Variants in DGLUCY observed in about 807,000 individuals in gnomAD.
The protein encoded by DGLUCY is D-glutamate cyclase, mitochondrial.
Under a neutral mutation model 58.5 loss-of-function variants are expected in DGLUCY, and 58 were observed. The ratio of observed to expected loss-of-function variants is 0.99; its 90% confidence interval spans 0.80 to 1.23. The LOEUF is 1.23. Among genes scored for constraint, DGLUCY ranks in the 50% most tolerant of loss-of-function variants. The pLI, the probability that DGLUCY is intolerant of heterozygous loss-of-function variation, is 0.00. For synonymous variants in DGLUCY, 325 were observed against 314.1 expected (o/e 1.03, Z -0.37); for missense variants, 779 against 784.7 (o/e 0.99, Z 0.09).
At chr14:91,157,231 G>GAATGGATGGGTGGA (rs1566971877) in intron 1 of DGLUCY, among the ~76,000 whole-genome samples, 2 of 94,856 alleles carry the variant, frequency 2.1e-5, no homozygotes, top group African/African-American at 1.3e-4. Flanking sequence ...GGATGGATGG[G>GAATGGATGGGTGGA]TGGATGGATG....
At chr14:91,199,606 G>A (rs935180524) in intron 10 of DGLUCY, 151 bp from the exon 11 acceptor site, 2 of 856,486 alleles carry the variant, frequency 2.3e-6, no homozygotes, top group Non-Finnish European at 3.6e-6. Flanking sequence ...ACAGGTCCTG[G>A]CCCAGAGTAG....
At chr14:91,130,464 T>C (rs1365781374) in intron 1 of DGLUCY, among the ~76,000 whole-genome samples, 2 of 151,712 alleles carry the variant, frequency 1.3e-5, no homozygotes, top group Non-Finnish European at 2.9e-5. Flanking sequence ...CAAGCCGCCA[T>C]GCCCAGCTAA....
At chr14:91,173,552 G>A in intron 6 of DGLUCY, 113 bp downstream of exon 6, 1 of 1,364,236 alleles carries the variant, frequency 7.3e-7, no homozygotes, top group Non-Finnish European at 9.7e-7. Context: ...CCAGGTCAGT[G>A]TCTCTCGCTC....
chr14:91,124,296 T>C (rs2045557273), intron 1 of DGLUCY, among the ~76,000 whole-genome samples: 1 of 152,188 alleles, frequency 6.6e-6, no homozygotes, highest in Non-Finnish European at 1.5e-5. Flanking sequence ...ACTAATTTGC[T>C]GTCAAGGAGC....
rs989112605 is a variant in DGLUCY at position 91,073,685 on chromosome 14, G to A, written c.-82+12981G>A. Among the ~76,000 whole-genome samples, 6 of 152,158 alleles carry A rather than the reference G, an allele frequency of 3.9e-5. No individual in the cohort carries two copies. In the South Asian group the frequency reaches 1.2e-3, roughly 32 times the overall value. On this transcript the variant is annotated intron_variant, in intron 1 of 4. Transcript: ENST00000521334. ...GCTTTGAAAATGGAGGGGACCAAGT[G>A]GAAAGGCCCTGAGGAGCAGCCTCTA...
chr14:91,070,516 CT>C (rs1353157162), intron 1 of DGLUCY, among the ~76,000 whole-genome samples: 6 of 152,018 alleles, frequency 3.9e-5, no homozygotes, highest in African/African-American at 1.4e-4. Flanking sequence ...AAAGTTATCT[CT>C]TTTTAAAATA....
intron 1 of DGLUCY, among the ~76,000 whole-genome samples, chr14:91,156,777 C>T (rs2047643928): frequency 1.3e-5 from 2 of 152,198 alleles, no homozygotes; most frequent in Admixed American, 6.5e-5. Context: ...CATCTCACCT[C>T]ACTTCTAGAG....
chr14:91,205,238 C>CT (rs1318377027), intron 12 of DGLUCY, among the ~76,000 whole-genome samples: 1 of 152,204 alleles, frequency 6.6e-6, no homozygotes, highest in Non-Finnish European at 1.5e-5. Flanking sequence ...GTGATCTGTG[C>CT]TTTTATCTGC....
At chr14:91,166,480 C>G (rs2048289805) in intron 3 of DGLUCY, among the ~76,000 whole-genome samples, 1 of 152,066 alleles carries the variant, frequency 6.6e-6, no homozygotes, top group African/African-American at 2.4e-5. Flanking sequence ...ACCTGGCCAC[C>G]ATAGTGAAAC....
At chr14:91,213,001 TAAAA>T (rs59133029) in intron 12 of DGLUCY, among the ~76,000 whole-genome samples, 2 of 135,924 alleles carry the variant, frequency 1.5e-5, no homozygotes, top group South Asian at 2.3e-4. Flanking sequence ...ACTCCGTCTC[TAAAA>T]AAAAAAAAAA....
intron 3 of DGLUCY, among the ~76,000 whole-genome samples, chr14:91,161,089 G>A (rs138691234): frequency 0.028 from 4,298 of 152,256 alleles, 76 homozygotes; most frequent in South Asian, 0.036. Flanking sequence ...TTGTTGAGAC[G>A]TAGTCTCGCT....
At chr14:91,112,570 T>G (rs978600925), upstream of DGLUCY, among the ~76,000 whole-genome samples, 1 of 152,110 alleles carries the variant, frequency 6.6e-6, no homozygotes, top group African/African-American at 2.4e-5. Context: ...AAAAGAGATC[T>G]TTCACTTTTC....
chr14:91,103,008 T>C (rs1300580294), upstream of DGLUCY, among the ~76,000 whole-genome samples: 2 of 152,000 alleles, frequency 1.3e-5, no homozygotes, highest in Non-Finnish European at 2.9e-5. Flanking sequence ...ATGATCCGCC[T>C]GTCTCAGCCT....
rs999630531 is a variant in DGLUCY, at chr14:91,215,854, A to G, written c.1716+298A>G. ...CATCTGTAAAATGGGGGTGGTCAGC[A>G]TTGTTGTTGGAGGAACCGAATGCCT... On this transcript the variant is annotated intron_variant, in intron 13 of 13. Transcript: ENST00000256324. 6.2e-5 allele frequency: 58 copies of G among 942,540 alleles called. No individual in the cohort carries two copies. In the Middle Eastern group the frequency reaches 1.3e-3, roughly 21 times the overall value. 58.4% of individuals were successfully genotyped at this position (942,540 alleles called of 1,614,324 possible).
At chr14:91,100,572 G>C (rs904536991) in intron 1 of DGLUCY, among the ~76,000 whole-genome samples, 1 of 152,152 alleles carries the variant, frequency 6.6e-6, no homozygotes, top group African/African-American at 2.4e-5. Context: ...GACATCACTT[G>C]CTCAAGCTTG....
upstream of DGLUCY, among the ~76,000 whole-genome samples, chr14:91,103,030 G>A (rs1189979441): frequency 6.6e-6 from 1 of 151,976 alleles, no homozygotes; most frequent in Non-Finnish European, 1.5e-5. Flanking sequence ...CCAATGTGCT[G>A]GGATTACAGG....
intron 1 of DGLUCY, among the ~76,000 whole-genome samples, chr14:91,070,632 AG>A (rs1466761476): frequency 3.3e-5 from 5 of 152,252 alleles, no homozygotes. Flanking sequence ...AAGACAGGAA[AG>A]CCACTTTGGA....
At chr14:91,069,321 G>A (rs1198634715) in intron 1 of DGLUCY, among the ~76,000 whole-genome samples, 1 of 152,176 alleles carries the variant, frequency 6.6e-6, no homozygotes, top group African/African-American at 2.4e-5. Flanking sequence ...TGTCACCCAG[G>A]CTGGAGTGCA....
At chr14:91,160,180 G>A (rs1033140244) in intron 2 of DGLUCY, 86 bp from the exon 3 acceptor site, 1 of 830,482 alleles carries the variant, frequency 1.2e-6, no homozygotes, top group African/African-American at 1.7e-5. Context: ...AGGATGTGAT[G>A]TGGTATGTGA....
Sources: allele counts gnomAD v4.1 joint callset (sites outside exome capture counted in the v4.1 genomes callset), GRCh38; gene constraint gnomAD v4.1.1; transcripts MANE v1.5; gene names NCBI Gene and HGNC (gene_info 2026-07-23, HGNC 2026-07-21).